The following GRID1 variants were observed in gnomAD, a reference collection of about 807,000 sequenced individuals.
The protein encoded by GRID1 is glutamate ionotropic receptor delta type subunit 1.
Under a neutral mutation model 98.0 loss-of-function variants are expected in GRID1, and 28 were observed. The ratio of observed to expected loss-of-function variants is 0.29; its 90% CI spans 0.21 to 0.39. The LOEUF is 0.39. Among genes scored for constraint, GRID1 ranks in the 10% least tolerant of loss-of-function variants. The pLI is 1.00. For synonymous variants in GRID1, 553 were observed against 538.5 expected (o/e 1.03, Z -0.37); for missense variants, 1,111 against 1,340.5 (o/e 0.83, Z 2.67).
At chr10:85,674,756 G>C (rs1341304270) in intron 12 of GRID1, among the ~76,000 whole-genome samples, 1 of 151,492 alleles carries the variant, frequency 6.6e-6, no homozygotes, top group Non-Finnish European at 1.5e-5. Flanking sequence ...ATCCATAGCA[G>C]AGTCAAATGG....
At chr10:85,827,781 C>A (rs1483736640) in intron 8 of GRID1, among the ~76,000 whole-genome samples, 6 of 151,510 alleles carry the variant, frequency 4.0e-5, no homozygotes, top group African/African-American at 7.3e-5. Context: ...AACCCAGAAG[C>A]ACCAAGGTCT....
chr10:85,742,716 C>G (rs1270747467), intron 8 of GRID1, among the ~76,000 whole-genome samples: 1 of 152,140 alleles, frequency 6.6e-6, no homozygotes, highest in Non-Finnish European at 1.5e-5. Flanking sequence ...ATTCCCCATC[C>G]CACATGCTCT....
At chr10:86,215,471 C>T (rs1046486547) in intron 2 of GRID1, among the ~76,000 whole-genome samples, 1 of 152,198 alleles carries the variant, frequency 6.6e-6, no homozygotes, top group African/African-American at 2.4e-5. Context: ...AGCTCTCCAG[C>T]TCCTCATTAA....
intron 5 of GRID1, among the ~76,000 whole-genome samples, chr10:85,911,195 GT>G (rs1841532495): frequency 2.6e-5 from 4 of 152,142 alleles, no homozygotes; most frequent in African/African-American, 9.7e-5. Context: ...TCATGCCTTT[GT>G]TTTTTCTGTG....
At chr10:85,618,899 G>GT (rs1425275315) in intron 14 of GRID1, among the ~76,000 whole-genome samples, 1 of 152,150 alleles carries the variant, frequency 6.6e-6, no homozygotes, top group Non-Finnish European at 1.5e-5. Context: ...TAAAGAAATG[G>GT]TTTATGAGGA....
chr10:86,249,970 T>A (rs1846794405), intron 2 of GRID1, among the ~76,000 whole-genome samples: 1 of 149,146 alleles, frequency 6.7e-6, no homozygotes, highest in South Asian at 2.1e-4. Context: ...GGGGGGTGGG[T>A]GGATAGATGG....
chr10:85,756,381 T>A (rs1842098784), intron 8 of GRID1, among the ~76,000 whole-genome samples: 1 of 152,232 alleles, frequency 6.6e-6, no homozygotes, highest in South Asian at 2.1e-4. Context: ...AAGCACTTTA[T>A]GGCCTCTCTG....
At chr10:86,246,079 T>A (rs1303404691) in intron 2 of GRID1, among the ~76,000 whole-genome samples, 1 of 152,150 alleles carries the variant, frequency 6.6e-6, no homozygotes, top group African/African-American at 2.4e-5. Context: ...AACACAAGGG[T>A]CCTTCCCAGC....
intron 2 of GRID1, among the ~76,000 whole-genome samples, chr10:86,309,151 T>C (rs1847799464): frequency 6.6e-6 from 1 of 152,040 alleles, no homozygotes; most frequent in African/African-American, 2.4e-5. Context: ...ACAATAGAGA[T>C]AAGGGGCTAG....
intron 2 of GRID1, among the ~76,000 whole-genome samples, chr10:86,264,295 C>A (rs1340203083): frequency 6.6e-6 from 1 of 152,226 alleles, no homozygotes; most frequent in East Asian, 1.9e-4. Flanking sequence ...TTCCTATCAT[C>A]CTCTGGTTCT....
intron 4 of GRID1, among the ~76,000 whole-genome samples, chr10:86,091,954 G>GA (rs1381914421): frequency 6.6e-6 from 1 of 152,122 alleles, no homozygotes; most frequent in Non-Finnish European, 1.5e-5. Context: ...TACATCAAGG[G>GA]AACACCCCAT....
intron 13 of GRID1, among the ~76,000 whole-genome samples, chr10:85,622,672 A>G (rs1295133549): frequency 2.0e-5 from 3 of 152,226 alleles, no homozygotes; most frequent in African/African-American, 7.2e-5. Context: ...GGTAGGCTCT[A>G]GGATGAGCTT....
intron 4 of GRID1, among the ~76,000 whole-genome samples, chr10:86,037,926 G>A (rs188258832): frequency 2.0e-5 from 3 of 152,216 alleles, no homozygotes; most frequent in East Asian, 3.9e-4. Flanking sequence ...GAATGAAACT[G>A]TATATGGAGA....
At position 85,723,152 on chromosome 10, in the gene GRID1, C is replaced by T; in HGVS notation, c.1859-11G>A. ...CGGAAGATTCGCCACCTGCGGGAGG[C>T]AGACAAAGTGGATTGGCCAGTGGCT... On this transcript the variant is annotated splice_polypyrimidine_tract_variant and intron_variant, in intron 11 of 15. Coordinates refer to ENST00000327946, the MANE Select transcript of GRID1 (RefSeq NM_017551.3). The T allele has an allele frequency of 6.2e-7, 1 of 1,601,468 alleles. No homozygotes were observed. Among genetic ancestry groups the T allele is most frequent in the South Asian group, 1.1e-5 (1 of 88,218 alleles).
At chr10:85,620,191 C>T (rs140218252) in intron 13 of GRID1, among the ~76,000 whole-genome samples, 158 bp from the exon 14 acceptor site, 1 of 152,332 alleles carries the variant, frequency 6.6e-6, no homozygotes, top group African/African-American at 2.4e-5. Flanking sequence ...TTCTGGCCTA[C>T]AAATGCCAGC....
At chr10:85,902,810 G>C (rs1221048157) in intron 5 of GRID1, among the ~76,000 whole-genome samples, 2 of 152,108 alleles carry the variant, frequency 1.3e-5, no homozygotes, top group Admixed American at 6.5e-5. Flanking sequence ...TCCCCTTCTA[G>C]GTCACGCACC....
intron 3 of GRID1, among the ~76,000 whole-genome samples, chr10:86,186,205 G>A (rs1845723479): frequency 6.6e-6 from 1 of 152,098 alleles, no homozygotes; most frequent in South Asian, 2.1e-4. Context: ...GTTGGCATAA[G>A]GTTTTTCAAA....
chr10:86,119,289 C>T (rs1844631858), intron 4 of GRID1, among the ~76,000 whole-genome samples: 1 of 152,130 alleles, frequency 6.6e-6, no homozygotes, highest in African/African-American at 2.4e-5. Context: ...GAGCTGAGAT[C>T]AGGCCACTGC....
At chr10:86,303,139 G>A (rs909385432) in intron 2 of GRID1, among the ~76,000 whole-genome samples, 4 of 152,208 alleles carry the variant, frequency 2.6e-5, no homozygotes, top group Non-Finnish European at 5.9e-5. Context: ...GTAGGAAAAT[G>A]TCCTCCAATT....
Sources: allele counts gnomAD v4.1 joint callset (sites outside exome capture counted in the v4.1 genomes callset), GRCh38; gene constraint gnomAD v4.1.1; transcripts MANE v1.5; gene names NCBI Gene and HGNC (gene_info 2026-07-23, HGNC 2026-07-21).